ARFGAP3: variants seen among roughly 807,000 people sequenced by gnomAD.
ARFGAP3 encodes the protein ARF GTPase activating protein 3.
A neutral mutation model predicts 75.0 loss-of-function variants in ARFGAP3; 72 were observed. The observed-to-expected ratio is 0.96, with a 90% CI of 0.79 to 1.17. The LOEUF is 1.17. ARFGAP3 is among the 50% of genes most tolerant of loss of function. The pLI is 0.00. For missense variants in ARFGAP3, 620 were observed against 626.6 expected, an observed-to-expected ratio of 0.99 and a Z score of 0.11; for synonymous variants, 221 against 217.9, an observed-to-expected ratio of 1.01 and a Z score of -0.13.
Position 42,799,039 on chromosome 22 carries a change from C to A in ARFGAP3, c.1533G>T (p.Gln511His), listed in dbSNP as rs147909015. The change falls in exon 15 of 16, where the codon CAG becomes CAT. Residue 511 changes from glutamine (Q) to histidine (H), a missense_variant and splice_region_variant. By Grantham distance (24) the Gln-to-His change is conservative. Transcript: ENST00000263245. ...GTGAGCACTGCCCCATTCCACTGAC[C>A]TGAATTGAAGTCACGACTCCATTAG... ...VFANGVVTSI[Q>H]DRYGS 11 of 1,614,098 alleles carry A rather than the reference C, an allele frequency of 6.8e-6. No individual in the cohort carries two copies. In the East Asian group the frequency reaches 2.5e-4, roughly 36 times the overall value.
intron 2 of ARFGAP3, among the ~76,000 whole-genome samples, chr22:42,842,003 A>C (rs9611932): frequency 0.029 from 4,064 of 138,410 alleles, 77 homozygotes; most frequent in African/African-American, 0.041. Flanking sequence ...GGTAGCTACC[A>C]TGCCGGGCTT....
chr22:42,834,195 C>G (rs747369913), intron 5 of ARFGAP3, 47 bp downstream of exon 5: 2 of 1,547,032 alleles, frequency 1.3e-6, no homozygotes, highest in African/African-American at 1.4e-5. Flanking sequence ...CTTTTGTTAA[C>G]TGTCAGAGTA....
intron 1 of ARFGAP3, 107 bp downstream of exon 1, chr22:42,857,007 G>A: frequency 6.5e-6 from 8 of 1,221,664 alleles, no homozygotes; most frequent in Non-Finnish European, 8.5e-6. Context: ...ACGTGTCACA[G>A]GCCGCGCCGG....
chr22:42,815,391 T>C (rs978646553), intron 11 of ARFGAP3, among the ~76,000 whole-genome samples: 18 of 149,740 alleles, frequency 1.2e-4, no homozygotes, highest in African/African-American at 2.0e-4. Context: ...AATACCACCA[T>C]GGAACACCAC....
At chr22:42,806,934 T>C in intron 14 of ARFGAP3, 139 bp downstream of exon 14, 1 of 854,574 alleles carries the variant, frequency 1.2e-6, no homozygotes, top group South Asian at 2.3e-5. Flanking sequence ...TAACTTCTGC[T>C]CTACCTGACT....
intron 3 of ARFGAP3, 59 bp from the exon 4 acceptor site, chr22:42,835,552 TG>T: frequency 6.3e-7 from 1 of 1,590,960 alleles, no homozygotes; most frequent in Non-Finnish European, 8.6e-7. Context: ...CCAGGCGCAG[TG>T]GCTCATGCCT....
At chr22:42,806,762 C>T (rs1438703804) in intron 14 of ARFGAP3, among the ~76,000 whole-genome samples, 1 of 152,198 alleles carries the variant, frequency 6.6e-6, no homozygotes, top group East Asian at 1.9e-4. Context: ...CGGCGCTGTC[C>T]ACCTCTAAGG....
chr22:42,801,571 A>G (rs1464718350), intron 14 of ARFGAP3, among the ~76,000 whole-genome samples: 2 of 152,206 alleles, frequency 1.3e-5, no homozygotes, highest in African/African-American at 4.8e-5. Context: ...CTTGTGCTGG[A>G]GGCGGAACAC....
chr22:42,832,947 T>G (rs2146562763), intron 5 of ARFGAP3, among the ~76,000 whole-genome samples: 1 of 151,424 alleles, frequency 6.6e-6, no homozygotes, highest in East Asian at 1.9e-4. Flanking sequence ...ATCGCGCCAT[T>G]GCGCTACAGC....
intron 14 of ARFGAP3, among the ~76,000 whole-genome samples, chr22:42,800,219 C>G (rs1209153373): frequency 1.3e-5 from 2 of 152,206 alleles, no homozygotes; most frequent in African/African-American, 4.8e-5. Context: ...CCCCACATGA[C>G]ACCACCTGCT....
At position 42,797,492 on chromosome 22, in the gene ARFGAP3, C is replaced by A. The variant is rs1312067650; in HGVS notation, c.*96G>T. ...CCATATGAAAAAGTAGCAAAACAATCTGCAAAACTATCTGGACTTCACTGC... is the reference window on the plus strand; with the variant it reads ...CCATATGAAAAAGTAGCAAAACAATATGCAAAACTATCTGGACTTCACTGC... On this transcript the variant is annotated 3_prime_UTR_variant, in exon 16 of 16. Transcript: ENST00000263245. 4.0e-6 allele frequency: 6 copies of A among 1,505,994 alleles called. No homozygotes were observed. Among genetic ancestry groups the A allele is most frequent in the East Asian group, 2.3e-5 (1 of 44,130 alleles). 93.3% of individuals were successfully genotyped at this position (1,505,994 alleles called of 1,614,324 possible).
intron 11 of ARFGAP3, among the ~76,000 whole-genome samples, chr22:42,815,190 C>A (rs1249033367): frequency 2.6e-5 from 4 of 152,176 alleles, no homozygotes; most frequent in Non-Finnish European, 4.4e-5. Context: ...ATTTAATATT[C>A]ACATCTGAAA....
At chr22:42,807,669 G>C (rs1017180577) in intron 13 of ARFGAP3, among the ~76,000 whole-genome samples, 2 of 152,058 alleles carry the variant, frequency 1.3e-5, no homozygotes, top group Non-Finnish European at 2.9e-5. Flanking sequence ...CACATTTTAG[G>C]AAACCATCAT....
chr22:42,829,240 G>A lies in ARFGAP3; in HGVS notation c.566-2241C>T, dbSNP rs183955938. On this transcript the variant is annotated intron_variant, in intron 6 of 15. Transcript: ENST00000263245. ...ACAGTGGACATGCAAACTAAGAAAC[G>A]CAGTAATTTCCAGAACTGGTGTTTG... Among the ~76,000 whole-genome samples the A allele has an allele frequency of 2.6e-5, 4 of 152,264 alleles. No individual in the cohort carries two copies. In the East Asian group the frequency reaches 5.8e-4, roughly 22 times the overall value.
Position 42,810,722 on chromosome 22 carries a change from T to C in ARFGAP3, c.1196+91A>G, listed in dbSNP as rs981924491. On this transcript the variant is annotated intron_variant, in intron 12 of 15. Coordinates refer to ENST00000263245, the MANE Select transcript of ARFGAP3 (RefSeq NM_014570.5). ...GAATGAGCCGCCGTGCCCAGCCCCT[T>C]ACAAGGGTTTTCATGTCATCATGTT... is the stretch of plus-strand genomic sequence containing the variant. 5.2e-6 allele frequency: 6 copies of C among 1,155,168 alleles called. No individual in the cohort carries two copies. In the African/African-American group the frequency reaches 7.7e-5, roughly 15 times the overall value. 71.6% of individuals were successfully genotyped at this position (1,155,168 alleles called of 1,614,324 possible).
chr22:42,798,004 T>C (rs1385714642), intron 15 of ARFGAP3, among the ~76,000 whole-genome samples: 3 of 152,242 alleles, frequency 2.0e-5, no homozygotes, highest in Admixed American at 1.3e-4. Context: ...GCTGGTCATC[T>C]TGCAGAAGTG....
At chr22:42,847,213 G>T in intron 2 of ARFGAP3, 1 of 241,486 alleles carries the variant, frequency 4.1e-6, no homozygotes, top group Non-Finnish European at 8.0e-6. Flanking sequence ...TGTCGCCCAG[G>T]CTGGAATGCA....
At chr22:42,843,246 G>A (rs954928004) in intron 2 of ARFGAP3, among the ~76,000 whole-genome samples, 2 of 152,106 alleles carry the variant, frequency 1.3e-5, no homozygotes, top group African/African-American at 2.4e-5. Flanking sequence ...CAGCTAAAGC[G>A]CTCCACAATA....
rs371314455 is a variant in ARFGAP3 at position 42,814,152 on chromosome 22, TA to T, written c.1064+2989del. Among the ~76,000 whole-genome samples, 328 of 151,264 alleles carry T rather than the reference TA, an allele frequency of 2.2e-3. 13 individuals carry two copies. The East Asian group carries it at 0.056, about 26-fold the overall frequency. On this transcript the variant is annotated intron_variant, in intron 11 of 15. Coordinates refer to ENST00000263245, the MANE Select transcript of ARFGAP3 (RefSeq NM_014570.5). The stretch of plus-strand genomic sequence containing the variant: ...TCCTAGAAATAATGGAACTCAATAA[TA>T]AAAAAAAACAAGGACAGGTTTTATC...
Sources: allele counts gnomAD v4.1 joint callset (sites outside exome capture counted in the v4.1 genomes callset), GRCh38; gene constraint gnomAD v4.1.1; transcripts MANE v1.5; gene names NCBI Gene and HGNC (gene_info 2026-07-23, HGNC 2026-07-21).